The following GPC5 variants were observed in gnomAD, a reference collection of about 807,000 sequenced individuals.
GPC5 encodes glypican-5.
Under a neutral mutation model 53.9 loss-of-function variants are expected in GPC5, and 47 were observed. The observed-to-expected ratio is 0.87, with a 90% confidence interval of 0.69 to 1.11. The LOEUF (loss-of-function observed/expected upper bound fraction) is 1.11. Ranked by LOEUF, GPC5 falls within the 50% of genes most tolerant of loss-of-function variation. The pLI is 0.00. For synonymous variants in GPC5, 286 were observed against 263.3 expected (o/e 1.09, Z -0.84); for missense variants, 748 against 713.1 (o/e 1.05, Z -0.56).
At chr13:91,486,438 C>T (rs748518920) in intron 2 of GPC5, 4 of 152,162 alleles carry the variant, frequency 2.6e-5, no homozygotes, top group Non-Finnish European at 5.9e-5. Flanking sequence ...TGTGTTAAAC[C>T]CATTGGGTTT....
At chr13:92,563,524 G>T (rs1882766141) in intron 7 of GPC5, among the ~76,000 whole-genome samples, 1 of 151,946 alleles carries the variant, frequency 6.6e-6, no homozygotes, top group Non-Finnish European at 1.5e-5. Context: ...AAGAAATCAT[G>T]AATATATGCT....
intron 7 of GPC5, among the ~76,000 whole-genome samples, chr13:92,612,630 G>C (rs1594346557): frequency 6.6e-6 from 1 of 151,994 alleles, no homozygotes; most frequent in African/African-American, 2.4e-5. Context: ...GGAATTTCAG[G>C]ACTCTTATGT....
chr13:91,874,509 A>C (rs1286176669), intron 5 of GPC5, among the ~76,000 whole-genome samples: 1 of 152,192 alleles, frequency 6.6e-6, no homozygotes, highest in Non-Finnish European at 1.5e-5. Context: ...GGCCTACCAA[A>C]ATAGTGCTGT....
At chr13:92,160,607 TG>T (rs1467925547) in intron 7 of GPC5, among the ~76,000 whole-genome samples, 1 of 152,170 alleles carries the variant, frequency 6.6e-6, no homozygotes, top group Non-Finnish European at 1.5e-5. Flanking sequence ...AAGTCTTTGA[TG>T]AAATTTGGCA....
intron 7 of GPC5, among the ~76,000 whole-genome samples, chr13:92,646,930 A>ATGTGTGTGTGTGTGTGTGTG: frequency 6.8e-6 from 1 of 146,592 alleles, no homozygotes; most frequent in Non-Finnish European, 1.5e-5. Context: ...ATATATAAAC[A>ATGTGTGTGTGTGTGTGTGTG]TGTGTGTGTG....
chr13:91,432,203 C>CTGGTGTGTGTGTGTGTG (rs1555306318), intron 1 of GPC5, among the ~76,000 whole-genome samples: 13 of 136,354 alleles, frequency 9.5e-5, no homozygotes, highest in African/African-American at 3.6e-4. Flanking sequence ...GCTGCTGCTG[C>CTGGTGTGTGTGTGTGTG]TGTGTGTGTG....
At chr13:92,416,523 A>G (rs947618401) in intron 7 of GPC5, among the ~76,000 whole-genome samples, 5 of 152,214 alleles carry the variant, frequency 3.3e-5, no homozygotes, top group Non-Finnish European at 7.4e-5. Flanking sequence ...ATCCATACAC[A>G]AAAGGATTAA....
chr13:91,742,791 T>C (rs1236381290), intron 4 of GPC5, among the ~76,000 whole-genome samples: 1 of 152,166 alleles, frequency 6.6e-6, no homozygotes, highest in East Asian at 1.9e-4. Context: ...GCTCCATTGG[T>C]GTTTCATAAT....
At chr13:92,604,357 C>T (rs1884182519) in intron 7 of GPC5, among the ~76,000 whole-genome samples, 1 of 152,058 alleles carries the variant, frequency 6.6e-6, no homozygotes, top group African/African-American at 2.4e-5. Context: ...TTTGTAAATA[C>T]TCAATAAATG....
chr13:91,598,527 C>T (rs894618243), intron 2 of GPC5, among the ~76,000 whole-genome samples: 2 of 151,968 alleles, frequency 1.3e-5, no homozygotes, highest in African/African-American at 4.8e-5. Context: ...TCTTTCTTTG[C>T]CAATCACTGG....
chr13:91,571,949 A>G (rs1225455471), intron 2 of GPC5, among the ~76,000 whole-genome samples: 1 of 140,242 alleles, frequency 7.1e-6, no homozygotes, highest in African/African-American at 2.6e-5. Flanking sequence ...GTATATACAT[A>G]TACACACATA....
intron 2 of GPC5, among the ~76,000 whole-genome samples, chr13:91,580,378 A>G (rs971499403): frequency 6.6e-6 from 1 of 152,224 alleles, no homozygotes; most frequent in East Asian, 1.9e-4. Flanking sequence ...AATAAATATA[A>G]CAAAATAGAT....
intron 7 of GPC5, among the ~76,000 whole-genome samples, chr13:92,242,610 TAAAG>T (rs989860245): frequency 5.3e-5 from 8 of 152,050 alleles, no homozygotes; most frequent in East Asian, 1.9e-4. Flanking sequence ...ATATATAAAA[TAAAG>T]AAAGAGTCAT....
intron 7 of GPC5, among the ~76,000 whole-genome samples, chr13:92,247,734 A>G (rs2042663205): frequency 6.6e-6 from 1 of 152,092 alleles, no homozygotes; most frequent in Non-Finnish European, 1.5e-5. Flanking sequence ...GTTTCATCCT[A>G]TGTTTAACTA....
chr13:92,098,811 A>G (rs1413693197), intron 6 of GPC5, among the ~76,000 whole-genome samples: 1 of 152,186 alleles, frequency 6.6e-6, no homozygotes, highest in Non-Finnish European at 1.5e-5. Context: ...ACAAAACAAT[A>G]GTTGTGCTTA....
rs958833513 is a variant in GPC5 at position 91,502,426 on chromosome 13, G to T, written c.325+53504G>T. Among the ~76,000 whole-genome samples the T allele has an allele frequency of 4.6e-5, 7 of 152,142 alleles. No individual in the cohort carries two copies. The East Asian group carries it at 9.6e-4, about 21-fold the overall frequency. ...CTTTGGTTGTTTGCTCACTCCCTTT[G>T]TTTAACTAGATAGCTTAAAAGGAGG... On this transcript the variant is annotated intron_variant, in intron 2 of 7. Coordinates refer to ENST00000377067, the MANE Select transcript of GPC5 (RefSeq NM_004466.6).
In GPC5 at chr13:92,355,672, T is replaced by C. The variant is rs570197480; in HGVS notation, c.1561+210683T>C. ...ACCTACCTACATAATGAATTCAACA[T>C]GCTGACTTCTTTATTTCTTGTCCCC... On this transcript the variant is annotated intron_variant, in intron 7 of 7. Coordinates refer to ENST00000377067, the MANE Select transcript of GPC5 (RefSeq NM_004466.6). 2.6e-3 allele frequency among the ~76,000 whole-genome samples: 399 copies of C among 152,330 alleles called. 1 individual carries two copies. Among genetic ancestry groups the C allele is most frequent in the Middle Eastern group, 6.8e-3 (2 of 294 alleles).
At chr13:92,514,506 C>T (rs1002169308) in intron 7 of GPC5, among the ~76,000 whole-genome samples, 3 of 152,136 alleles carry the variant, frequency 2.0e-5, no homozygotes, top group Admixed American at 6.6e-5. Flanking sequence ...CATTGTTGTA[C>T]GTGCCTTTTA....
intron 7 of GPC5, among the ~76,000 whole-genome samples, chr13:92,617,286 G>A (rs1884722127): frequency 6.6e-6 from 1 of 152,122 alleles, no homozygotes; most frequent in South Asian, 2.1e-4. Context: ...ATCATGCTCT[G>A]TGTAGAAGCT....
Sources: allele counts gnomAD v4.1 joint callset (sites outside exome capture counted in the v4.1 genomes callset), GRCh38; gene constraint gnomAD v4.1.1; transcripts MANE v1.5; gene names NCBI Gene and HGNC (gene_info 2026-07-23, HGNC 2026-07-21).